C19orf44: variants seen among roughly 807,000 people sequenced by gnomAD.
The protein encoded by C19orf44 is uncharacterized protein C19orf44.
Under a neutral mutation model 50.7 loss-of-function variants are expected in C19orf44, and 43 were observed. The ratio of observed to expected loss-of-function variants is 0.85; its 90% CI spans 0.66 to 1.09. The LOEUF is 1.09. C19orf44 is among the 50% of genes least tolerant of loss of function. The pLI, the probability that C19orf44 is intolerant of heterozygous loss-of-function variation, is 0.00. For synonymous variants in C19orf44, 298 were observed against 334.7 expected, an observed-to-expected ratio of 0.89 and a Z score of 1.20; for missense variants, 722 against 836.2, an observed-to-expected ratio of 0.86 and a Z score of 1.68.
chr19:16,498,277 G>A (rs74811794), intron 1 of C19orf44, among the ~76,000 whole-genome samples: 1,761 of 152,046 alleles, frequency 0.012, 34 homozygotes, highest in African/African-American at 0.041. Context: ...AACATATGAG[G>A]GTTCCAATTT....
intron 7 of C19orf44, 72 bp downstream of exon 7, chr19:16,514,735 G>C: frequency 7.0e-7 from 1 of 1,426,258 alleles, no homozygotes; most frequent in Non-Finnish European, 9.2e-7. Context: ...GGGCCGAAGG[G>C]ATATGGGCCG....
intron 7 of C19orf44, among the ~76,000 whole-genome samples, chr19:16,514,997 C>T (rs1399543025): frequency 6.6e-6 from 1 of 152,240 alleles, no homozygotes; most frequent in Non-Finnish European, 1.5e-5. Context: ...CTGAGACATC[C>T]CCGAGATGGG....
intron 3 of C19orf44, among the ~76,000 whole-genome samples, chr19:16,504,153 A>T (rs1366245785): frequency 6.6e-6 from 1 of 152,022 alleles, no homozygotes; most frequent in Non-Finnish European, 1.5e-5. Context: ...CTATGAACAC[A>T]CCACTGCACT....
intron 1 of C19orf44, 80 bp downstream of exon 1, chr19:16,496,545 G>C (rs1168121305): frequency 6.7e-6 from 2 of 297,330 alleles, no homozygotes; most frequent in African/African-American, 4.4e-5. Flanking sequence ...GGCCTTCTCC[G>C]GGGCTGAGCT....
chr19:16,503,256 A>G lies in C19orf44; in HGVS notation c.951A>G (p.Thr317=), dbSNP rs1231419135. Residue 317 remains threonine (T), a synonymous_variant, in exon 3 of 9, where the codon ACA becomes ACG. Transcript: ENST00000221671. ...TASHTPSVSI[T]GAFSNSVSLK... ...CCCACACGCCGTCAGTTTCCATCAC[A>G]GGCGCCTTTTCAAACTCAGTGTCTT... 3 of 1,613,810 alleles carry G rather than the reference A, an allele frequency of 1.9e-6. No homozygotes were observed. Among genetic ancestry groups the G allele is most frequent in the East Asian group, 2.2e-5 (1 of 44,874 alleles).
At chr19:16,517,151 C>T (rs1214236399) in intron 7 of C19orf44, 79 bp from the exon 8 acceptor site, 91 of 1,336,070 alleles carry the variant, frequency 6.8e-5, no homozygotes, top group Non-Finnish European at 9.0e-5. Flanking sequence ...GTGCTGGCTC[C>T]ACTCCCTCCT....
At chr19:16,510,039 G>A (rs373701349) in intron 5 of C19orf44, 51 bp downstream of exon 5, 24 of 1,613,358 alleles carry the variant, frequency 1.5e-5, no homozygotes, top group East Asian at 4.5e-5. Context: ...GGAGCTCAGC[G>A]TGTGGTTTAC....
chr19:16,509,416 C>T, intron 4 of C19orf44, 83 bp from the exon 5 acceptor site: 1 of 1,504,294 alleles, frequency 6.6e-7, no homozygotes, highest in East Asian at 2.3e-5. Flanking sequence ...GCTGCAGGTC[C>T]CCAGCTCCTA....
In C19orf44 at chr19:16,503,053, GTT is replaced by G. The variant is rs754238674; in HGVS notation, c.760-9_760-8del. The stretch of plus-strand genomic sequence containing the variant: ...TGTCATAAGTTTGTTAATTTCAAGT[GTT>G]TTATATCAGGTCCCATCTCAACTGA... On this transcript the variant is annotated splice_polypyrimidine_tract_variant and intron_variant, in intron 2 of 8. Transcript: ENST00000221671. 6.2e-6 allele frequency: 10 copies of G among 1,600,226 alleles called. No homozygotes were observed. Among genetic ancestry groups the G allele is most frequent in the Non-Finnish European group, 8.5e-6 (10 of 1,171,084 alleles).
chr19:16,504,402 G>T (rs1052205973), intron 3 of C19orf44, among the ~76,000 whole-genome samples: 2 of 151,946 alleles, frequency 1.3e-5, no homozygotes, highest in African/African-American at 4.8e-5. Flanking sequence ...TGCTGTAAAT[G>T]ACAACATAGG....
At position 16,517,221 on chromosome 19, in the gene C19orf44, G is replaced by A. The variant is rs903193798; in HGVS notation, c.1903-9G>A. Reference sequence around the variant, plus strand: ...ATGGTGATGGCGTGGTCTGTTCTCTGCCTGACAGTACATTAGGTGCCACAG... The same window carrying A: ...ATGGTGATGGCGTGGTCTGTTCTCTACCTGACAGTACATTAGGTGCCACAG... On this transcript the variant is annotated splice_polypyrimidine_tract_variant and intron_variant, in intron 7 of 8. Coordinates refer to ENST00000221671, the MANE Select transcript of C19orf44 (RefSeq NM_032207.4). 6.2e-7 allele frequency: 1 copy of A among 1,613,784 alleles called. No homozygotes were observed. Among genetic ancestry groups the A allele is most frequent in the Middle Eastern group, 1.6e-4 (1 of 6,062 alleles).
At chr19:16,506,347 A>C (rs1568494800) in intron 3 of C19orf44, among the ~76,000 whole-genome samples, 1 of 151,614 alleles carries the variant, frequency 6.6e-6, no homozygotes, top group Non-Finnish European at 1.5e-5. Context: ...TAAACCCAGC[A>C]CTTTGGGAGG....
intron 1 of C19orf44, 59 bp downstream of exon 1, chr19:16,496,524 C>G: frequency 3.3e-6 from 1 of 306,862 alleles, no homozygotes; most frequent in South Asian, 2.9e-5. Context: ...GAGGGGGATA[C>G]GGGGAAATGG....
rs776455455 is a variant in C19orf44, at chr19:16,507,260, C to G, written c.1149+486C>G. Among the ~76,000 whole-genome samples, 56 of 152,044 alleles carry G rather than the reference C, an allele frequency of 3.7e-4. 1 individual carries two copies. Among genetic ancestry groups the G allele is most frequent in the South Asian group, 6.2e-4 (3 of 4,824 alleles). ...TTAGGTGCTAACAGGATGAAGCTAC[C>G]TTGGTTAGCTGGTGATTAAAGCACA... On this transcript the variant is annotated intron_variant, in intron 4 of 8. Coordinates refer to ENST00000221671, the MANE Select transcript of C19orf44 (RefSeq NM_032207.4).
At chr19:16,498,398 C>G (rs887716273) in intron 1 of C19orf44, among the ~76,000 whole-genome samples, 20 of 152,164 alleles carry the variant, frequency 1.3e-4, no homozygotes, top group Non-Finnish European at 1.5e-5. Flanking sequence ...ATCCTCCCAC[C>G]TCAGCCTCCC....
At chr19:16,514,442 C>G (rs79065415) in intron 6 of C19orf44, 55 bp from the exon 7 acceptor site, 1 of 1,410,850 alleles carries the variant, frequency 7.1e-7, no homozygotes, top group South Asian at 1.3e-5. Context: ...GGGGGGGGGG[C>G]TGCAGAATTT....
intron 1 of C19orf44, among the ~76,000 whole-genome samples, chr19:16,498,868 C>A (rs1028243522): frequency 3.3e-5 from 5 of 151,856 alleles, no homozygotes; most frequent in African/African-American, 7.3e-5. Flanking sequence ...GACGGGGTTT[C>A]ACTGTGTTAG....
chr19:16,497,436 C>T (rs187500466), intron 1 of C19orf44, among the ~76,000 whole-genome samples: 1 of 149,332 alleles, frequency 6.7e-6, no homozygotes, highest in African/African-American at 2.5e-5. Context: ...CTGCGAACTC[C>T]GCCTCCCAGG....
chr19:16,515,365 A>C (rs557962947), intron 7 of C19orf44, among the ~76,000 whole-genome samples: 75 of 152,282 alleles, frequency 4.9e-4, no homozygotes, highest in Non-Finnish European at 8.5e-4. Flanking sequence ...GTCTCAAAAA[A>C]ACTTTTTAAA....
Sources: allele counts gnomAD v4.1 joint callset (sites outside exome capture counted in the v4.1 genomes callset), GRCh38; gene constraint gnomAD v4.1.1; transcripts MANE v1.5; gene names NCBI Gene and HGNC (gene_info 2026-07-23, HGNC 2026-07-21).